DGUOK: variants seen among roughly 807,000 people sequenced by gnomAD.
DGUOK encodes the protein deoxyguanosine kinase, also known as deoxyguanosine kinase, mitochondrial.
In DGUOK, 30 loss-of-function variants were observed where a neutral mutation model predicts 36.6. The ratio of observed to expected loss-of-function variants is 0.82; its 90% CI spans 0.61 to 1.11. DGUOK has a LOEUF of 1.11. DGUOK is among the 50% of genes most tolerant of loss of function. The pLI, the probability that DGUOK is intolerant of heterozygous loss-of-function variation, is 0.00. For synonymous variants in DGUOK, 145 were observed against 126.3 expected (o/e 1.15, Z -0.99); for missense variants, 361 against 336.4 (o/e 1.07, Z -0.57).
chr2:73,933,742 T>C (rs1463939265), intron 1 of DGUOK, among the ~76,000 whole-genome samples: 3 of 152,186 alleles, frequency 2.0e-5, no homozygotes, highest in Non-Finnish European at 4.4e-5. Context: ...TGTATGATCC[T>C]GGGTACTCAG....
At chr2:73,958,641 T>C (rs989605525) in intron 6 of DGUOK, 69 bp from the exon 7 acceptor site, 9 of 1,349,700 alleles carry the variant, frequency 6.7e-6, no homozygotes, top group African/African-American at 5.7e-5. Flanking sequence ...TGCATATGCA[T>C]TGGGGGTGGA....
intron 4 of DGUOK, among the ~76,000 whole-genome samples, chr2:73,952,518 AG>A (rs1332180686): frequency 2.0e-5 from 3 of 152,224 alleles, no homozygotes; most frequent in Admixed American, 2.0e-4. Context: ...GGTTGGATTG[AG>A]TAAAGATCCT....
intron 1 of DGUOK, among the ~76,000 whole-genome samples, chr2:73,938,287 TC>T (rs1278438919): frequency 6.6e-6 from 1 of 152,216 alleles, no homozygotes; most frequent in Non-Finnish European, 1.5e-5. Context: ...GGGAGTCTCC[TC>T]TGACCTCCTG....
chr2:73,947,018 A>C, intron 3 of DGUOK, 112 bp downstream of exon 3: 1 of 1,010,252 alleles, frequency 9.9e-7, no homozygotes, highest in Admixed American at 2.0e-5. Flanking sequence ...TTGAAAAATT[A>C]TCTTCTTTTT....
intron 1 of DGUOK, among the ~76,000 whole-genome samples, chr2:73,938,297 T>A (rs1241291136): frequency 1.3e-5 from 2 of 152,224 alleles, no homozygotes; most frequent in Non-Finnish European, 2.9e-5. Context: ...TCTGACCTCC[T>A]GGGCTATATT....
chr2:73,935,232 C>A (rs2104888908), intron 1 of DGUOK, among the ~76,000 whole-genome samples: 1 of 152,222 alleles, frequency 6.6e-6, no homozygotes, highest in East Asian at 1.9e-4. Context: ...CAGAGAGAGA[C>A]CCCCATCTCA....
intron 5 of DGUOK, among the ~76,000 whole-genome samples, chr2:73,957,520 A>G (rs1428066820): frequency 6.6e-6 from 1 of 152,066 alleles, no homozygotes; most frequent in African/African-American, 2.4e-5. Context: ...CTAAAAATAG[A>G]AAAATTAGCC....
At chr2:73,956,711 G>C (rs975674038) in intron 4 of DGUOK, among the ~76,000 whole-genome samples, 1 of 152,200 alleles carries the variant, frequency 6.6e-6, no homozygotes, top group African/African-American at 2.4e-5. Context: ...AGAACCAGAA[G>C]GCTCTTGCCA....
chr2:73,938,299 G>A (rs1292734116), intron 1 of DGUOK, among the ~76,000 whole-genome samples: 1 of 151,940 alleles, frequency 6.6e-6, no homozygotes, highest in Non-Finnish European at 1.5e-5. Flanking sequence ...TGACCTCCTG[G>A]GCTATATTAG....
chr2:73,946,273 G>C (rs1448720200), intron 2 of DGUOK, among the ~76,000 whole-genome samples: 1 of 152,152 alleles, frequency 6.6e-6, no homozygotes. Flanking sequence ...TTTCTGGTTT[G>C]CCTTGACATT....
At chr2:73,932,086 A>G (rs1433144673) in intron 1 of DGUOK, among the ~76,000 whole-genome samples, 3 of 152,180 alleles carry the variant, frequency 2.0e-5, no homozygotes, top group Non-Finnish European at 2.9e-5. Flanking sequence ...CCTGAGGTCA[A>G]GAGAGTCCGG....
chr2:73,940,207 T>C (rs753664724), intron 2 of DGUOK, among the ~76,000 whole-genome samples: 2 of 152,194 alleles, frequency 1.3e-5, no homozygotes, highest in African/African-American at 2.4e-5. Context: ...GGTCAAGTCT[T>C]CTCTCTTTCA....
intron 2 of DGUOK, among the ~76,000 whole-genome samples, chr2:73,939,947 G>C (rs1045080068): frequency 4.7e-5 from 7 of 149,994 alleles, no homozygotes; most frequent in Admixed American, 2.7e-4. Flanking sequence ...TGTCACCCAG[G>C]CTGGGGTGCA....
intron 2 of DGUOK, among the ~76,000 whole-genome samples, chr2:73,943,913 C>G (rs1197968306): frequency 6.6e-6 from 1 of 152,156 alleles, no homozygotes; most frequent in Non-Finnish European, 1.5e-5. Context: ...TCCCAAAGTG[C>G]CGGGATTACA....
chr2:73,950,166 C>G (rs747362415), intron 3 of DGUOK, among the ~76,000 whole-genome samples: 1 of 110,382 alleles, frequency 9.1e-6, no homozygotes, highest in Non-Finnish European at 2.2e-5. Context: ...TGGATTTATA[C>G]TGGATTCACT....
chr2:73,954,265 C>T (rs1380669716), intron 4 of DGUOK, among the ~76,000 whole-genome samples: 1 of 152,106 alleles, frequency 6.6e-6, no homozygotes, highest in Non-Finnish European at 1.5e-5. Context: ...ATCACTTGAG[C>T]CTGGGAGATT....
At chr2:73,941,800 C>G (rs564890975) in intron 2 of DGUOK, among the ~76,000 whole-genome samples, 1 of 151,990 alleles carries the variant, frequency 6.6e-6, no homozygotes, top group Non-Finnish European at 1.5e-5. Flanking sequence ...CTGTCCAAAC[C>G]CCTTGCCTTG....
intron 2 of DGUOK, 24 bp downstream of exon 2, chr2:73,939,046 A>G (rs778530411): frequency 6.1e-6 from 9 of 1,471,860 alleles, no homozygotes; most frequent in Non-Finnish European, 6.7e-6. Flanking sequence ...TGTGGTGGGT[A>G]GTTGGCAGGC....
In DGUOK at chr2:73,927,014, G is replaced by A. The variant is rs1680644460; in HGVS notation, c.104G>A (p.Gly35Glu). 6.2e-7 allele frequency: 1 copy of A among 1,611,226 alleles called. No individual in the cohort carries two copies. Among genetic ancestry groups the A allele is most frequent in the Non-Finnish European group, 8.5e-7 (1 of 1,180,024 alleles). Residue 35 changes from glycine to glutamate, a missense_variant, in exon 1 of 7, where the codon GGG becomes GAG. Transcript: ENST00000264093. Reference protein sequence around the residue: ...GVSSSRGLHAGRGPRRLSIEG... With the variant: ...GVSSSRGLHAERGPRRLSIEG... ...TCCTCCTCCAGAGGCCTGCACGCGGGGCGCGGGCCCCGAAGGCTCTCCATC... is the reference window on the plus strand; with the variant it reads ...TCCTCCTCCAGAGGCCTGCACGCGGAGCGCGGGCCCCGAAGGCTCTCCATC...
Sources: allele counts gnomAD v4.1 joint callset (sites outside exome capture counted in the v4.1 genomes callset), GRCh38; gene constraint gnomAD v4.1.1; transcripts MANE v1.5; gene names NCBI Gene and HGNC (gene_info 2026-07-23, HGNC 2026-07-21).